The following SIGLEC15 variants were observed in gnomAD, a reference collection of about 807,000 sequenced individuals.
The protein encoded by SIGLEC15 is sialic acid binding Ig like lectin 15.
SIGLEC15 carries 31 observed loss-of-function variants against 26.2 expected under a neutral mutation model. The ratio of observed to expected loss-of-function variants is 1.18; its 90% CI spans 0.89 to 1.60. The LOEUF (loss-of-function observed/expected upper bound fraction) is 1.60, where lower values mean the gene tolerates loss of function less well. Among genes scored for constraint, SIGLEC15 ranks in the 40% most tolerant of loss-of-function variants. The probability of loss-of-function intolerance (pLI) is 0.00; values close to 1 mark genes in which losing one functional copy is unlikely to be tolerated. For missense variants in SIGLEC15, 501 were observed against 488.4 expected, an observed-to-expected ratio of 1.03 and a Z score of -0.24; for synonymous variants, 207 against 221.9, an observed-to-expected ratio of 0.93 and a Z score of 0.60.
chr18:45,828,064 C>T (rs1377741919), intron 1 of SIGLEC15, among the ~76,000 whole-genome samples: 1 of 152,208 alleles, frequency 6.6e-6, no homozygotes, highest in Non-Finnish European at 1.5e-5. Flanking sequence ...TCTGGCTGCT[C>T]TTCTTCTGGG....
At position 45,842,097 on chromosome 18, in the gene SIGLEC15, T is replaced by C. The variant is rs1269271363; in HGVS notation, c.906-9T>C. The stretch of plus-strand genomic sequence containing the variant: ...TTTGGATGATCATTCAACTTTCTCC[T>C]GTCCACAGGTCCCAGGCCCAGGAGT... On this transcript the variant is annotated splice_polypyrimidine_tract_variant and intron_variant, in intron 5 of 5. Transcript: ENST00000389474. The C allele has an allele frequency of 1.2e-6, 2 of 1,614,040 alleles. No individual in the cohort carries two copies. The highest frequency in any genetic ancestry group is 3.3e-5 in the Admixed American group (2 of 60,034).
intron 5 of SIGLEC15, 85 bp downstream of exon 5, chr18:45,840,326 A>C (rs2048314948): frequency 6.9e-7 from 1 of 1,456,070 alleles, no homozygotes; most frequent in African/African-American, 1.4e-5. Flanking sequence ...AGAAGGAATA[A>C]ATGGCAAAGG....
chr18:45,838,992 C>T lies in SIGLEC15; in HGVS notation c.771C>T (p.Gly257=), dbSNP rs75232573. 1.1e-4 allele frequency: 173 copies of T among 1,598,138 alleles called. 1 individual carries two copies. In the African/African-American group the frequency reaches 2.1e-3, roughly 19 times the overall value. Residue 257 remains glycine (G), a synonymous_variant, in exon 4 of 6, where the codon GGC becomes GGT. Coordinates refer to ENST00000389474, the MANE Select transcript of SIGLEC15 (RefSeq NM_213602.3). ...EASVYLFRFH[G]ASGASTVALL... ...GCGTCTACCTGTTCCGCTTCCATGG[C>T]GCCAGCGGGGCCTCGACGGTCGCCC...
chr18:45,829,101 G>C (rs999577980), intron 1 of SIGLEC15: 2 of 985,832 alleles, frequency 2.0e-6, no homozygotes, highest in Non-Finnish European at 2.4e-6. Flanking sequence ...AGGCTACATC[G>C]GGACTCTGAA....
chr18:45,837,994 G>A (rs2048290872), intron 3 of SIGLEC15, 98 bp downstream of exon 3: 2 of 1,363,758 alleles, frequency 1.5e-6, no homozygotes, highest in Non-Finnish European at 1.9e-6. Context: ...TGCTGAGCCA[G>A]GAAGGGCAAC....
At position 45,842,188 on chromosome 18, in the gene SIGLEC15, G is replaced by A. The variant is rs2048330310; in HGVS notation, c.*1G>A. ...ACCAGCCACCATGTGCTCACCGTGAGGAGTCCCTCAGCCACCAACATCCAT... is the reference window on the plus strand; with the variant it reads ...ACCAGCCACCATGTGCTCACCGTGAAGAGTCCCTCAGCCACCAACATCCAT... On this transcript the variant is annotated 3_prime_UTR_variant, in exon 6 of 6. Coordinates refer to ENST00000389474, the MANE Select transcript of SIGLEC15 (RefSeq NM_213602.3). 3.1e-6 allele frequency: 5 copies of A among 1,614,156 alleles called. No individual in the cohort carries two copies. Among genetic ancestry groups the A allele is most frequent in the Non-Finnish European group, 4.2e-6 (5 of 1,180,022 alleles).
rs552438818 is a variant in SIGLEC15, at chr18:45,836,105, C to T, written c.53-924C>T. Among the ~76,000 whole-genome samples, 7 of 152,284 alleles carry T rather than the reference C, an allele frequency of 4.6e-5. No homozygotes were observed. In the East Asian group the frequency reaches 5.8e-4, roughly 13 times the overall value. The stretch of plus-strand genomic sequence containing the variant: ...GTCCCCATGGAGGATGGTCTGCCAG[C>T]GATGGGTTAGGGCTGAGAAGACTCC... On this transcript the variant is annotated intron_variant, in intron 1 of 5. Transcript: ENST00000389474.
chr18:45,839,493 T>A (rs2048306988), intron 4 of SIGLEC15, among the ~76,000 whole-genome samples: 1 of 152,088 alleles, frequency 6.6e-6, no homozygotes, highest in Admixed American at 6.5e-5. Flanking sequence ...AGGAATACAC[T>A]GATGAATATG....
In SIGLEC15 at chr18:45,842,789, CAG is replaced by C. The variant is rs1198517521; in HGVS notation, c.*605_*606del. 2.0e-5 allele frequency: 3 copies of C among 153,418 alleles called. No individual in the cohort carries two copies. The highest frequency in any genetic ancestry group is 6.5e-5 in the Admixed American group (1 of 15,484). The allele number at this position is 153,418 out of a possible 1,614,324, so 9.5% of individuals were successfully genotyped here. On this transcript the variant is annotated 3_prime_UTR_variant, in exon 6 of 6. Coordinates refer to ENST00000389474, the MANE Select transcript of SIGLEC15 (RefSeq NM_213602.3). ...GAGGGGCATGACAGAACCCTCTTTG[CAG>C]AGTGACCTTTGGACGTGCAGTCAGT...
Position 45,840,243 on chromosome 18 carries a change from T to TA in SIGLEC15, c.905+4dup. 6.2e-7 allele frequency: 1 copy of TA among 1,611,820 alleles called. No homozygotes were observed. The highest frequency in any genetic ancestry group is 8.5e-7 in the Non-Finnish European group (1 of 1,179,010). ...GGACACCCCGGACACCCCACCACGGTAAGTGAGCTCCCCGCCTCCACCCTA... is the reference window on the plus strand; with the variant it reads ...GGACACCCCGGACACCCCACCACGGTAAAGTGAGCTCCCCGCCTCCACCCTA... On this transcript the variant is annotated splice_region_variant and intron_variant, in intron 5 of 5. Transcript: ENST00000389474.
chr18:45,840,099 A>C, intron 4 of SIGLEC15, 112 bp from the exon 5 acceptor site: 1 of 1,246,490 alleles, frequency 8.0e-7, no homozygotes, highest in East Asian at 2.5e-5. Flanking sequence ...TGTTTGCTTC[A>C]AAAACAGTGG....
chr18:45,839,013 C>A lies in SIGLEC15; in HGVS notation c.792C>A (p.Val264=). ...ATGGCGCCAGCGGGGCCTCGACGGTCGCCCTCCTGCTCGGCGCTCTCGGCT... is the reference window on the plus strand; with the variant it reads ...ATGGCGCCAGCGGGGCCTCGACGGTAGCCCTCCTGCTCGGCGCTCTCGGCT... ...RFHGASGAST[V]ALLLGALGFK... is the part of the protein sequence containing the mutation. Residue 264 remains valine, a synonymous_variant, in exon 4 of 6, where the codon GTC becomes GTA. Transcript: ENST00000389474. The A allele has an allele frequency of 6.3e-7, 1 of 1,589,400 alleles. No homozygotes were observed.
chr18:45,842,436 TGTGTGTGA>T lies in SIGLEC15; in HGVS notation c.*251_*258del. The T allele has an allele frequency of 1.9e-6, 1 of 519,052 alleles. No individual in the cohort carries two copies. Among genetic ancestry groups the T allele is most frequent in the Non-Finnish European group, 3.4e-6 (1 of 292,944 alleles). The allele number at this position is 519,052 out of a possible 1,614,324, so 32.2% of individuals were successfully genotyped here. On this transcript the variant is annotated 3_prime_UTR_variant, in exon 6 of 6. Transcript: ENST00000389474. The stretch of plus-strand genomic sequence containing the variant: ...ATGTGCATACGTCTGTGTGTGTGTG[TGTGTGTGA>T]GAGAGAGAGAGAGAGAGTACACGCA...
chr18:45,842,315 T>G lies in SIGLEC15; in HGVS notation c.*128T>G. 1.1e-6 allele frequency: 1 copy of G among 918,856 alleles called. No individual in the cohort carries two copies. The highest frequency in any genetic ancestry group is 1.7e-6 in the Non-Finnish European group (1 of 583,734). 56.9% of individuals were successfully genotyped at this position (918,856 alleles called of 1,614,324 possible). Reference sequence around the variant, plus strand: ...GCCCCCAGCTGGGTGGCTCCTCCCCTGCTCAAGGTCAAGACCCTGCTCAAG... The same window carrying G: ...GCCCCCAGCTGGGTGGCTCCTCCCCGGCTCAAGGTCAAGACCCTGCTCAAG... On this transcript the variant is annotated 3_prime_UTR_variant, in exon 6 of 6. Transcript: ENST00000389474.
Position 45,837,723 on chromosome 18 carries a change from T to C in SIGLEC15, c.323T>C (p.Leu108Pro). Residue 108 changes from leucine (L) to proline (P), a missense_variant, in exon 3 of 6, where the codon CTG becomes CCG. Coordinates refer to ENST00000389474, the MANE Select transcript of SIGLEC15 (RefSeq NM_213602.3). Reference sequence around the variant, plus strand: ...GGCAGCGAGCTCTGCCAGACGGCGCTGAGCCTGCACGGCCGCTTCCGGCTG... The same window carrying C: ...GGCAGCGAGCTCTGCCAGACGGCGCCGAGCCTGCACGGCCGCTTCCGGCTG... ...ARGSELCQTA[L>P]SLHGRFRLLG... 1 of 1,501,660 alleles carries C rather than the reference T, an allele frequency of 6.7e-7. No individual in the cohort carries two copies. The highest frequency in any genetic ancestry group is 8.8e-7 in the Non-Finnish European group (1 of 1,133,662). 93.0% of individuals were successfully genotyped at this position (1,501,660 alleles called of 1,614,324 possible).
intron 5 of SIGLEC15, among the ~76,000 whole-genome samples, chr18:45,840,464 G>A (rs1325746721): frequency 2.6e-5 from 4 of 152,102 alleles, no homozygotes; most frequent in Admixed American, 6.5e-5. Context: ...CCTCCCCCAC[G>A]ACTCCAGGCT....
At position 45,842,262 on chromosome 18, in the gene SIGLEC15, C is replaced by T. The variant is rs2048330945; in HGVS notation, c.*75C>T. 4 of 1,544,282 alleles carry T rather than the reference C, an allele frequency of 2.6e-6. No individual in the cohort carries two copies. The African/African-American group carries it at 4.1e-5, about 16-fold the overall frequency. ...CCAGTGCGAGGCTTGGCTGGCACAG[C>T]CAGTCCTGGTTCTCGGGCACCTTGG... On this transcript the variant is annotated 3_prime_UTR_variant, in exon 6 of 6. Coordinates refer to ENST00000389474, the MANE Select transcript of SIGLEC15 (RefSeq NM_213602.3).
intron 5 of SIGLEC15, 78 bp from the exon 6 acceptor site, chr18:45,842,028 C>G: frequency 2.3e-6 from 3 of 1,317,544 alleles, no homozygotes; most frequent in Non-Finnish European, 3.3e-6. Flanking sequence ...TCTTCTTGGC[C>G]CACTGCTGGC....
At chr18:45,826,200 C>T (rs1283716328) in intron 1 of SIGLEC15, among the ~76,000 whole-genome samples, 3 of 151,326 alleles carry the variant, frequency 2.0e-5, no homozygotes, top group Non-Finnish European at 4.4e-5. Context: ...CGTTTGGGGA[C>T]AGTGCTGATG....
Sources: gnomAD v4.1 joint callset for allele counts (sites outside exome capture counted in the v4.1 genomes callset) on GRCh38, gnomAD v4.1.1 for gene constraint, MANE v1.5 for transcripts, NCBI Gene and HGNC (gene_info 2026-07-23, HGNC 2026-07-21) for gene names.